Variants in PBX3 observed in about 807,000 individuals in gnomAD.
The protein encoded by PBX3 is PBX homeobox 3.
Under a neutral mutation model 48.5 loss-of-function variants are expected in PBX3, and 14 were observed. The observed-to-expected ratio is 0.29, with a 90% confidence interval of 0.19 to 0.45. The LOEUF is 0.45. PBX3 is among the 20% of genes least tolerant of loss of function. The pLI, the probability that PBX3 is intolerant of heterozygous loss-of-function variation, is 1.00. For synonymous variants in PBX3, 210 were observed against 200.3 expected, an observed-to-expected ratio of 1.05 and a Z score of -0.41; for missense variants, 386 against 546.7, an observed-to-expected ratio of 0.71 and a Z score of 2.93.
At position 125,899,450 on chromosome 9, in the gene PBX3, T is replaced by TAG. The variant is rs1345619408; in HGVS notation, c.275-16235_275-16234insGA. ...GTCTATATATATGTGTGTATATATA[T>TAG]ATATAGAGAGAGAGAGAGAGAGAGA... is the stretch of plus-strand genomic sequence containing the variant. On this transcript the variant is annotated intron_variant, in intron 2 of 8. Coordinates refer to ENST00000373489, the MANE Select transcript of PBX3 (RefSeq NM_006195.6). Among the ~76,000 whole-genome samples the TAG allele has an allele frequency of 4.6e-3, 368 of 79,336 alleles. 9 individuals carry two copies. Among genetic ancestry groups the TAG allele is most frequent in the African/African-American group, 0.018 (323 of 17,572 alleles). 52.0% of individuals were successfully genotyped at this position (79,336 alleles called of 152,430 possible). A position where few individuals can be genotyped will look rare whatever the true frequency, so the allele number is the denominator to read the frequency against.
intron 5 of PBX3, among the ~76,000 whole-genome samples, chr9:125,950,749 T>C (rs1375723371): frequency 6.6e-6 from 1 of 152,198 alleles, no homozygotes; most frequent in Admixed American, 6.5e-5. Context: ...CCCAAAGTGT[T>C]GGGATTACAG....
chr9:125,961,968 C>T (rs956737923), intron 6 of PBX3, 134 bp from the exon 7 acceptor site: 136 of 507,766 alleles, frequency 2.7e-4, no homozygotes, highest in Non-Finnish European at 2.2e-4. Flanking sequence ...TCTCCATCCT[C>T]TTAGATCTGG....
At chr9:125,856,586 A>G (rs1839730349) in intron 2 of PBX3, among the ~76,000 whole-genome samples, 1 of 152,188 alleles carries the variant, frequency 6.6e-6, no homozygotes, top group Non-Finnish European at 1.5e-5. Context: ...CAACTGCTAG[A>G]CAAGCAGTCC....
At chr9:125,934,973 A>G (rs1342867216) in intron 4 of PBX3, among the ~76,000 whole-genome samples, 1 of 152,180 alleles carries the variant, frequency 6.6e-6, no homozygotes, top group Non-Finnish European at 1.5e-5. Context: ...ATAGTTTCCT[A>G]TTGCACTCAG....
intron 2 of PBX3, among the ~76,000 whole-genome samples, chr9:125,823,614 C>T (rs1760376289): frequency 6.6e-6 from 1 of 151,470 alleles, no homozygotes; most frequent in Non-Finnish European, 1.5e-5. Flanking sequence ...TCTGTGTTAG[C>T]TACTTTGGAT....
chr9:125,763,349 G>A (rs921974905), intron 2 of PBX3, among the ~76,000 whole-genome samples: 1 of 152,194 alleles, frequency 6.6e-6, no homozygotes, highest in African/African-American at 2.4e-5. Flanking sequence ...GTTTGAACCT[G>A]CAGAAATGAA....
intron 2 of PBX3, among the ~76,000 whole-genome samples, chr9:125,847,329 C>T (rs917939608): frequency 1.1e-4 from 17 of 151,804 alleles, no homozygotes; most frequent in Non-Finnish European, 2.4e-4. Context: ...GTCTAGTTTG[C>T]AGCATTATTC....
chr9:125,949,432 A>G (rs1409463748), intron 5 of PBX3: 1 of 1,550,732 alleles, frequency 6.4e-7, no homozygotes, highest in Non-Finnish European at 8.7e-7. Context: ...CATCCAGCCA[A>G]CTAGCGTGGT....
intron 2 of PBX3, among the ~76,000 whole-genome samples, chr9:125,809,635 G>A (rs1210259111): frequency 2.0e-5 from 3 of 152,128 alleles, no homozygotes; most frequent in Non-Finnish European, 2.9e-5. Flanking sequence ...TGGAATATCT[G>A]TGACCTCAGG....
At chr9:125,761,556 GTC>G (rs1836668132) in intron 2 of PBX3, among the ~76,000 whole-genome samples, 1 of 151,912 alleles carries the variant, frequency 6.6e-6, no homozygotes, top group African/African-American at 2.4e-5. Context: ...CATGATGCAT[GTC>G]TCCGTAACAT....
At chr9:125,960,983 G>T in intron 6 of PBX3, 134 bp downstream of exon 6, 1 of 905,584 alleles carries the variant, frequency 1.1e-6, no homozygotes, top group Non-Finnish European at 1.6e-6. Context: ...TTCAAATGCA[G>T]GCTTGTTCTT....
chr9:125,884,430 T>C (rs1840451675), intron 2 of PBX3, among the ~76,000 whole-genome samples: 4 of 152,212 alleles, frequency 2.6e-5, no homozygotes. Context: ...GCATGAGCCA[T>C]GATGCAACTT....
intron 2 of PBX3, among the ~76,000 whole-genome samples, chr9:125,847,641 G>A (rs1839460922): frequency 6.6e-6 from 1 of 151,534 alleles, no homozygotes; most frequent in Non-Finnish European, 1.5e-5. Flanking sequence ...TTACCTTTCA[G>A]TAGTGGCATT....
intron 2 of PBX3, among the ~76,000 whole-genome samples, chr9:125,769,757 A>T (rs931204189): frequency 4.6e-5 from 7 of 152,214 alleles, no homozygotes; most frequent in African/African-American, 1.7e-4. Flanking sequence ...TTCCATACAG[A>T]ACTAGTGTAA....
chr9:125,793,039 G>A (rs541465240), intron 2 of PBX3, among the ~76,000 whole-genome samples: 29 of 151,700 alleles, frequency 1.9e-4, no homozygotes, highest in Admixed American at 1.1e-3. Flanking sequence ...TATTTAAAAT[G>A]TACAATTTGA....
chr9:125,774,049 G>A (rs916635755), intron 2 of PBX3, among the ~76,000 whole-genome samples: 4 of 152,152 alleles, frequency 2.6e-5, no homozygotes, highest in Non-Finnish European at 5.9e-5. Context: ...AATTTATAAA[G>A]AAGAGATGTT....
chr9:125,752,697 G>A (rs555685223), intron 2 of PBX3, among the ~76,000 whole-genome samples: 116 of 152,204 alleles, frequency 7.6e-4, no homozygotes, highest in African/African-American at 2.7e-3. Flanking sequence ...GTACAGTGCT[G>A]TGTGATTCTT....
chr9:125,819,682 A>G (rs563813486), intron 2 of PBX3, among the ~76,000 whole-genome samples: 6 of 152,312 alleles, frequency 3.9e-5, no homozygotes, highest in African/African-American at 1.4e-4. Context: ...AGATTTATAT[A>G]TCTTCAGTGT....
chr9:125,949,169 CTATT>C (rs1402467429), intron 5 of PBX3, among the ~76,000 whole-genome samples: 1 of 152,184 alleles, frequency 6.6e-6, no homozygotes, highest in Non-Finnish European at 1.5e-5. Flanking sequence ...TGCTCCAGCA[CTATT>C]TATTAACAGT....
Sources: gnomAD v4.1 joint callset for allele counts (sites outside exome capture counted in the v4.1 genomes callset) on GRCh38, gnomAD v4.1.1 for gene constraint, MANE v1.5 for transcripts, NCBI Gene and HGNC (gene_info 2026-07-23, HGNC 2026-07-21) for gene names.